Variants in CRYBB2 observed in about 807,000 individuals in gnomAD.
CRYBB2 encodes the protein beta-crystallin B2.
In CRYBB2, 12 loss-of-function variants were observed where a neutral mutation model predicts 24.3. The observed-to-expected ratio is 0.49, with a 90% CI of 0.32 to 0.80. The LOEUF (loss-of-function observed/expected upper bound fraction) is 0.80. Ranked by LOEUF, CRYBB2 falls within the 30% of genes least tolerant of loss-of-function variation. The probability of loss-of-function intolerance (pLI) is 0.04; values close to 1 mark genes in which losing one functional copy is unlikely to be tolerated. For missense variants in CRYBB2, 198 were observed against 268.5 expected, an observed-to-expected ratio of 0.74 and a Z score of 1.83; for synonymous variants, 98 against 101.6, an observed-to-expected ratio of 0.96 and a Z score of 0.21.
chr22:25,218,488 C>T (rs879827577), upstream of CRYBB2, among the ~76,000 whole-genome samples: 3 of 151,284 alleles, frequency 2.0e-5, no homozygotes, highest in African/African-American at 7.3e-5. Flanking sequence ...AAAACCCTGT[C>T]TCTAACAAGA....
At chr22:25,220,607 T>C (rs1935302113) in intron 1 of CRYBB2, among the ~76,000 whole-genome samples, 1 of 152,244 alleles carries the variant, frequency 6.6e-6, no homozygotes, top group Non-Finnish European at 1.5e-5. Context: ...AAGGGGCTTC[T>C]GGAAGCTGGC....
chr22:25,221,052 AT>A (rs1935310736), intron 1 of CRYBB2, among the ~76,000 whole-genome samples: 1 of 152,242 alleles, frequency 6.6e-6, no homozygotes, highest in South Asian at 2.1e-4. Context: ...AAATTACTGC[AT>A]AAAGGCAGAA....
chr22:25,222,228 T>C (rs1388654559), intron 2 of CRYBB2, among the ~76,000 whole-genome samples: 3 of 152,216 alleles, frequency 2.0e-5, no homozygotes, highest in Non-Finnish European at 2.9e-5. Flanking sequence ...CAGGGAAGCC[T>C]GAGCAGATAC....
At position 25,221,429 on chromosome 22, in the gene CRYBB2, C is replaced by T. The variant is rs748617693; in HGVS notation, c.-1C>T. The T allele has an allele frequency of 1.2e-5, 20 of 1,613,584 alleles. No homozygotes were observed. Among genetic ancestry groups the T allele is most frequent in the Non-Finnish European group, 1.6e-5 (19 of 1,179,474 alleles). ...GTCATTCCTGCACAGGACAGTCCAC[C>T]ATGGCCTCAGATCACCAGACCCAGG... is the stretch of plus-strand genomic sequence containing the variant. On this transcript the variant is annotated 5_prime_UTR_variant, in exon 2 of 6. Transcript: ENST00000398215.
rs145683857 is a variant in CRYBB2, at chr22:25,220,177, A to G, written c.-27+511A>G. On this transcript the variant is annotated intron_variant, in intron 1 of 5. Transcript: ENST00000398215. ...TCAATGCCACTAAAGCATGGTAGAA[A>G]TGACTCTAATAATGCCACAATTGCT... 2.5e-3 allele frequency among the ~76,000 whole-genome samples: 379 copies of G among 152,316 alleles called. 4 individuals are homozygous for G. Among genetic ancestry groups the G allele is most frequent in the African/African-American group, 8.9e-3 (372 of 41,566 alleles).
At chr22:25,218,511 A>T (rs186938273), upstream of CRYBB2, among the ~76,000 whole-genome samples, 351 of 151,108 alleles carry the variant, frequency 2.3e-3, 2 homozygotes, top group Non-Finnish European at 3.6e-3. Context: ...CAGCAAAAAA[A>T]AGAATTTAGC....
chr22:25,212,186 C>G (rs1935114603), upstream of CRYBB2, among the ~76,000 whole-genome samples: 1 of 152,186 alleles, frequency 6.6e-6, no homozygotes, highest in Non-Finnish European at 1.5e-5. Flanking sequence ...GAGCTCCGTT[C>G]CAGACACAGG....
intron 2 of CRYBB2, among the ~76,000 whole-genome samples, chr22:25,222,665 G>C (rs1935341639): frequency 6.6e-6 from 1 of 152,146 alleles, no homozygotes; most frequent in Non-Finnish European, 1.5e-5. Flanking sequence ...GAATGAACTG[G>C]GTGAGTTTGG....
At chr22:25,224,278 T>C (rs1312794503) in intron 2 of CRYBB2, among the ~76,000 whole-genome samples, 8 of 152,182 alleles carry the variant, frequency 5.3e-5, no homozygotes, top group African/African-American at 1.7e-4. Flanking sequence ...CTTGGGCTGA[T>C]GAGAACATTA....
At chr22:25,217,256 T>C (rs1935184825), upstream of CRYBB2, among the ~76,000 whole-genome samples, 1 of 152,208 alleles carries the variant, frequency 6.6e-6, no homozygotes, top group Admixed American at 6.5e-5. Flanking sequence ...TTCTGTTGTT[T>C]TTAAGCCACT....
chr22:25,215,275 G>T (rs111705295), upstream of CRYBB2, among the ~76,000 whole-genome samples: 8 of 152,236 alleles, frequency 5.3e-5, no homozygotes, highest in Non-Finnish European at 1.0e-4. Flanking sequence ...ACTTAAAGGC[G>T]TTCTTAAACC....
chr22:25,224,038 G>A, intron 2 of CRYBB2, among the ~76,000 whole-genome samples: 1 of 151,838 alleles, frequency 6.6e-6, no homozygotes, highest in Non-Finnish European at 1.5e-5. Context: ...GCAGGAGAAT[G>A]GCGTGAACCC....
intron 4 of CRYBB2, among the ~76,000 whole-genome samples, chr22:25,229,212 T>G (rs1569021557): frequency 1.3e-5 from 2 of 152,058 alleles, no homozygotes; most frequent in Middle Eastern, 3.2e-3. Context: ...AATCAAACAT[T>G]CCCCAAAGTG....
At chr22:25,231,494 A>G in intron 5 of CRYBB2, 110 bp from the exon 6 acceptor site, 1 of 1,064,542 alleles carries the variant, frequency 9.4e-7, no homozygotes, top group Non-Finnish European at 1.5e-6. Context: ...GGGAGGCTTC[A>G]CCCTTCCTAG....
At chr22:25,225,099 G>C (rs532301399) in intron 3 of CRYBB2, 63 bp downstream of exon 3, 1 of 906,380 alleles carries the variant, frequency 1.1e-6, no homozygotes, top group African/African-American at 1.6e-5. Flanking sequence ...GTTGTGGAGT[G>C]GGGGAATCTA....
chr22:25,229,403 C>T (rs1935493205), intron 4 of CRYBB2, 33 bp from the exon 5 acceptor site: 2 of 1,577,744 alleles, frequency 1.3e-6, no homozygotes, highest in African/African-American at 2.7e-5. Context: ...GCCCCCTCAC[C>T]CATACTCACT....
chr22:25,224,123 CA>C (rs747390495), intron 2 of CRYBB2, among the ~76,000 whole-genome samples: 5 of 62,464 alleles, frequency 8.0e-5, no homozygotes, highest in African/African-American at 5.9e-5. Context: ...GACTCCGTCT[CA>C]AAAAAAAAAA....
chr22:25,221,563 C>G, intron 2 of CRYBB2, 80 bp downstream of exon 2: 1 of 1,076,966 alleles, frequency 9.3e-7, no homozygotes, highest in South Asian at 1.3e-5. Flanking sequence ...GGCTTGGCAT[C>G]TTTCTTCATG....
At chr22:25,228,631 C>T (rs932128341) in intron 4 of CRYBB2, among the ~76,000 whole-genome samples, 2 of 152,200 alleles carry the variant, frequency 1.3e-5, no homozygotes, top group Non-Finnish European at 2.9e-5. Flanking sequence ...TTGGGGAACA[C>T]GGGACTTGGC....
Sources: allele counts gnomAD v4.1 joint callset (sites outside exome capture counted in the v4.1 genomes callset), GRCh38; gene constraint gnomAD v4.1.1; transcripts MANE v1.5; gene names NCBI Gene and HGNC (gene_info 2026-07-23, HGNC 2026-07-21).